DIDO1: variants seen among roughly 807,000 people sequenced by gnomAD.
DIDO1 encodes death-inducer obliterator 1.
DIDO1 carries 16 observed loss-of-function variants against 99.4 expected under a neutral mutation model. The ratio of observed to expected loss-of-function variants is 0.16; its 90% CI spans 0.11 to 0.24. The LOEUF (loss-of-function observed/expected upper bound fraction) is 0.24, where lower values mean the gene tolerates loss of function less well. Among genes scored for constraint, DIDO1 ranks in the 10% least tolerant of loss-of-function variants. The probability of loss-of-function intolerance (pLI) is 1.00; values close to 1 mark genes in which losing one functional copy is unlikely to be tolerated. For synonymous variants in DIDO1, 1,366 were observed against 1,239.1 expected (o/e 1.10, Z -2.15); for missense variants, 2,996 against 3,014.0 (o/e 0.99, Z 0.14).
intron 1 of DIDO1, among the ~76,000 whole-genome samples, chr20:62,923,014 G>T (rs962090425): frequency 5.9e-5 from 9 of 152,050 alleles, no homozygotes; most frequent in Non-Finnish European, 1.0e-4. Flanking sequence ...TGTTGGGGGT[G>T]GGGGGTGGAC....
chr20:62,923,822 C>T (rs374180168), intron 1 of DIDO1, among the ~76,000 whole-genome samples: 1 of 152,312 alleles, frequency 6.6e-6, no homozygotes, highest in East Asian at 1.9e-4. Flanking sequence ...AACAAAACCA[C>T]GGCATCAAAA....
chr20:62,893,053 A>T (rs2064433617), intron 12 of DIDO1, 91 bp from the exon 13 acceptor site: 3 of 1,374,582 alleles, frequency 2.2e-6, no homozygotes, highest in Non-Finnish European at 3.0e-6. Context: ...TTGAGACAGG[A>T]TCTCATTCTG....
intron 6 of DIDO1, among the ~76,000 whole-genome samples, chr20:62,901,090 C>G (rs374178908): frequency 6.6e-6 from 1 of 152,210 alleles, no homozygotes; most frequent in African/African-American, 2.4e-5. Flanking sequence ...CACATGAATT[C>G]GCCTTTTATA....
chr20:62,894,148 T>G lies in DIDO1; in HGVS notation c.2619A>C (p.Lys873Asn). ...CTTCTTTCTTAACAGAAGCTGACAA[T>G]TTTTGTTTTTTCGGAGCTGGCTCAT... ...AEDEPAPKKQ[K>N]LSASVKKEDL... Residue 873 changes from lysine to asparagine, a missense_variant, in exon 12 of 16, where the codon AAA becomes AAC. This residue lies in a region of DIDO1 where 898 missense variants were observed against 972.7 expected (regional missense o/e 0.92). Transcript: ENST00000395343. The surrounding 1 kb of genome is among the most constrained non-coding windows in gnomAD (Gnocchi z 4.4). 1 of 1,614,066 alleles carries G rather than the reference T, an allele frequency of 6.2e-7. No individual in the cohort carries two copies. The highest frequency in any genetic ancestry group is 8.5e-7 in the Non-Finnish European group (1 of 1,179,962).
chr20:62,921,142 C>T (rs775340065), intron 1 of DIDO1, among the ~76,000 whole-genome samples: 11 of 152,180 alleles, frequency 7.2e-5, no homozygotes, highest in Non-Finnish European at 1.0e-4. Context: ...GTGATCCGCC[C>T]ACCTTGGCCT....
At chr20:62,933,776 T>C (rs1354309297) in intron 1 of DIDO1, among the ~76,000 whole-genome samples, 2 of 152,060 alleles carry the variant, frequency 1.3e-5, no homozygotes, top group Admixed American at 6.5e-5. Flanking sequence ...GAGGCTAACA[T>C]GGGAGGATTA....
At chr20:62,930,483 A>T (rs1057440891), upstream of DIDO1, among the ~76,000 whole-genome samples, 9 of 152,272 alleles carry the variant, frequency 5.9e-5, no homozygotes, top group African/African-American at 1.9e-4. Flanking sequence ...TTTGTGTTCC[A>T]ACCCCAAAGA....
chr20:62,907,488 T>A, intron 4 of DIDO1, 129 bp from the exon 5 acceptor site: 4 of 859,414 alleles, frequency 4.7e-6, no homozygotes, highest in Non-Finnish European at 7.1e-6. Context: ...ACAGTACTTT[T>A]AATATGAATA....
chr20:62,921,547 C>G (rs1369679012), intron 1 of DIDO1, among the ~76,000 whole-genome samples: 2 of 152,232 alleles, frequency 1.3e-5, no homozygotes, highest in East Asian at 1.9e-4. Flanking sequence ...GATGGCCACC[C>G]TAAGTTCAGG....
chr20:62,923,141 T>C (rs1321187500), intron 1 of DIDO1, among the ~76,000 whole-genome samples: 1 of 152,104 alleles, frequency 6.6e-6, no homozygotes, highest in African/African-American at 2.4e-5. Flanking sequence ...CCCAAAGTGC[T>C]GGGACTACAG....
rs1322689690 is a variant in DIDO1, at chr20:62,880,985, C to T, written c.4971G>A (p.Arg1657=). 4.4e-6 allele frequency: 7 copies of T among 1,605,768 alleles called. No homozygotes were observed. Among genetic ancestry groups the T allele is most frequent in the Middle Eastern group, 1.6e-4 (1 of 6,078 alleles). The change falls in exon 16 of 16, where the codon AGG becomes AGA. Residue 1657 remains arginine (R), a synonymous_variant. Coordinates refer to ENST00000395343, the MANE Select transcript of DIDO1 (RefSeq NM_001193369.2). ...CGCAAGGCGGTGTGGGCAGCAGCAC[C>T]CTCCGGGCAGGCCTGGCCGAGCTGT... ...VGDSSARPAR[R]VLLPTPPCGA... is the part of the protein sequence containing the mutation.
chr20:62,882,260 G>C lies in DIDO1; in HGVS notation c.3696C>G (p.Ala1232=). The C allele has an allele frequency of 1.2e-6, 2 of 1,613,996 alleles. No individual in the cohort carries two copies. The highest frequency in any genetic ancestry group is 1.3e-5 in the African/African-American group (1 of 75,056). The part of the protein sequence containing the change: ...EADVPAYPKV[A]TVPQSEKKPS... ...GCTTCTTTTCCGACTGCGGGACTGT[G>C]GCTACTTTTGGATAGGCCGGAACGT... Residue 1232 remains alanine (A), a synonymous_variant, in exon 16 of 16, where the codon GCC becomes GCG. Transcript: ENST00000395343.
intron 5 of DIDO1, 133 bp downstream of exon 5, chr20:62,907,014 A>G: frequency 1.2e-6 from 1 of 860,684 alleles, no homozygotes; most frequent in South Asian, 1.6e-5. Flanking sequence ...TGGAAGACAA[A>G]GGTCAAGGCG....
chr20:62,909,549 G>C, intron 4 of DIDO1, 150 bp downstream of exon 4: 1 of 804,172 alleles, frequency 1.2e-6, no homozygotes, highest in Admixed American at 2.5e-5. Context: ...AAATAGAAAG[G>C]CCTCACCCAG....
chr20:62,928,036 GA>G (rs1001022924), upstream of DIDO1, among the ~76,000 whole-genome samples: 6 of 152,308 alleles, frequency 3.9e-5, no homozygotes, highest in Non-Finnish European at 8.8e-5. Context: ...AGGCCCAGGT[GA>G]AGACCACATG....
Position 62,894,853 on chromosome 20 carries a change from G to A in DIDO1, c.2393C>T (p.Ala798Val), listed in dbSNP as rs1430142480. ...CGGAGAGTCCTCCAGATCGGGGATG[G>A]CCTCCTGCCTGGGGGCCGTCTTCTT... is the stretch of plus-strand genomic sequence containing the variant. ...ESKKTAPRQE[A>V]IPDLEDSPPV... is the part of the protein sequence containing the mutation. The change falls in exon 10 of 16, where the codon GCC (alanine) becomes GTC (valine). Residue 798 changes from alanine (A) to valine (V), a missense_variant. Ala to Val is a moderately conservative substitution (Grantham distance 64). Around this residue, in one of 5 missense-constraint regions of DIDO1, gnomAD observed 898 missense variants for 972.7 expected, o/e 0.92. Transcript: ENST00000395343. This position sits in a 1 kb window ranked among gnomAD's most constrained non-coding sequence, Gnocchi z 4.4. 1 of 1,614,112 alleles carries A rather than the reference G, an allele frequency of 6.2e-7. No individual in the cohort carries two copies. The highest frequency in any genetic ancestry group is 1.7e-5 in the Admixed American group (1 of 60,022).
chr20:62,930,409 C>T (rs928960432), upstream of DIDO1, among the ~76,000 whole-genome samples: 2 of 152,082 alleles, frequency 1.3e-5, no homozygotes, highest in Non-Finnish European at 2.9e-5. Flanking sequence ...TAAGGGGAAC[C>T]GGCAAGATGG....
intron 1 of DIDO1, among the ~76,000 whole-genome samples, chr20:62,922,219 TAC>T (rs1238889125): frequency 1.7e-4 from 15 of 90,200 alleles, no homozygotes; most frequent in Non-Finnish European, 2.7e-4. Context: ...TACATATATA[TAC>T]ACACACACAC....
intron 1 of DIDO1, among the ~76,000 whole-genome samples, chr20:62,917,848 A>G (rs567339116): frequency 6.6e-6 from 1 of 152,324 alleles, no homozygotes; most frequent in South Asian, 2.1e-4. Flanking sequence ...AACTCACCAG[A>G]AAAGGCCTGT....
Sources: gnomAD v4.1 joint callset for allele counts (sites outside exome capture counted in the v4.1 genomes callset) on GRCh38, gnomAD v4.1.1 for gene constraint, gnomAD v4.1.1 regional missense constraint, Gnocchi (gnomAD v3.1) non-coding constraint, MANE v1.5 for transcripts, NCBI Gene and HGNC (gene_info 2026-07-23, HGNC 2026-07-21) for gene names.